Variants in CYP4F11 observed in about 807,000 individuals in gnomAD.
The protein encoded by CYP4F11 is cytochrome P450 family 4 subfamily F member 11.
Under a neutral mutation model 62.2 loss-of-function variants are expected in CYP4F11, and 79 were observed. That is an observed-to-expected ratio of 1.27 (90% CI 1.06 to 1.53). CYP4F11 has a LOEUF of 1.53. Among genes scored for constraint, CYP4F11 ranks in the 40% most tolerant of loss-of-function variants. The pLI, the probability that CYP4F11 is intolerant of heterozygous loss-of-function variation, is 0.00. For synonymous variants in CYP4F11, 290 were observed against 263.7 expected, an observed-to-expected ratio of 1.10 and a Z score of -0.97; for missense variants, 777 against 680.5, an observed-to-expected ratio of 1.14 and a Z score of -1.58.
chr19:15,929,401 G>C (rs549637739), intron 2 of CYP4F11, 56 bp downstream of exon 2: 205 of 1,610,426 alleles, frequency 1.3e-4, no homozygotes, highest in Non-Finnish European at 1.2e-4. Context: ...GAGGGGAGAG[G>C]CTAGAAGGCC....
Position 15,931,593 on chromosome 19 carries a change from T to C in CYP4F11, c.199-1992A>G, listed in dbSNP as rs948923248. On this transcript the variant is annotated intron_variant, in intron 1 of 11. Coordinates refer to ENST00000402119, the MANE Select transcript of CYP4F11 (RefSeq NM_021187.4). ...AGGAATGAGTGAGCGAGGAGAGGAA[T>C]GAGTGAGTGAGGAGAGGAATGAGTG... 1.4e-3 allele frequency among the ~76,000 whole-genome samples: 146 copies of C among 107,538 alleles called. 3 individuals carry two copies. The highest frequency in any genetic ancestry group is 2.1e-3 in the East Asian group (7 of 3,396). The allele number at this position is 107,538 out of a possible 152,430, so 70.5% of individuals were successfully genotyped here. A position where few individuals can be genotyped will look rare whatever the true frequency, so the allele number is the denominator to read the frequency against.
chr19:15,922,441 G>A lies in CYP4F11; in HGVS notation c.919-11C>T. The A allele has an allele frequency of 1.9e-6, 3 of 1,613,928 alleles. No individual in the cohort carries two copies. The highest frequency in any genetic ancestry group is 2.2e-5 in the South Asian group (2 of 91,072). On this transcript the variant is annotated splice_polypyrimidine_tract_variant and intron_variant, in intron 6 of 11. Transcript: ENST00000402119. Reference sequence around the variant, plus strand: ...CTTCCCATCTTCATCCTGGAGAGAAGGCAAGACAATATCCCTGCCCCAAAT... The same window carrying A: ...CTTCCCATCTTCATCCTGGAGAGAAAGCAAGACAATATCCCTGCCCCAAAT...
At chr19:15,916,127 A>C (rs2089581936) in intron 8 of CYP4F11, among the ~76,000 whole-genome samples, 1 of 152,164 alleles carries the variant, frequency 6.6e-6, no homozygotes, top group African/African-American at 2.4e-5. Flanking sequence ...TATTATTTGA[A>C]TACATTAATA....
chr19:15,931,682 GA>G (rs1222624374), intron 1 of CYP4F11, among the ~76,000 whole-genome samples: 11 of 66,660 alleles, frequency 1.7e-4, no homozygotes, highest in East Asian at 9.4e-4. Flanking sequence ...ATGAGTGAGC[GA>G]GGAGAGGAAT....
intron 8 of CYP4F11, among the ~76,000 whole-genome samples, chr19:15,919,287 C>T (rs915463017): frequency 8.9e-5 from 13 of 146,466 alleles, no homozygotes; most frequent in African/African-American, 3.2e-4. Context: ...TTCATTGACT[C>T]CTATTTATAT....
intron 11 of CYP4F11, 78 bp from the exon 12 acceptor site, chr19:15,913,987 G>C: frequency 6.6e-7 from 1 of 1,507,010 alleles, no homozygotes; most frequent in Non-Finnish European, 8.9e-7. Flanking sequence ...CCTGGCCTGG[G>C]ACCCCAAACG....
chr19:15,927,629 G>A, intron 2 of CYP4F11, 146 bp from the exon 3 acceptor site: 1 of 1,047,804 alleles, frequency 9.5e-7, no homozygotes, highest in Non-Finnish European at 1.4e-6. Context: ...AGGAAGAAGG[G>A]AGGATGGTGG....
rs141752303 is a variant in CYP4F11 at position 15,924,061 on chromosome 19, G to A, written c.669C>T (p.Ala223=). Residue 223 remains alanine (A), a synonymous_variant, in exon 6 of 12, where the codon GCC becomes GCT. Coordinates refer to ENST00000402119, the MANE Select transcript of CYP4F11 (RefSeq NM_021187.4). ...CAAAGGCACTGAGCTCCAAGATGGC[G>A]GCAATATATTCACTGGGCTTCCTGC... The part of the protein sequence containing the change: ...NCQEKPSEYI[A]AILELSAFVE... 351 of 1,613,810 alleles carry A rather than the reference G, an allele frequency of 2.2e-4. No homozygotes were observed. The highest frequency in any genetic ancestry group is 2.6e-4 in the Non-Finnish European group (310 of 1,179,846).
chr19:15,914,725 C>A, intron 9 of CYP4F11, 37 bp downstream of exon 9: 1 of 1,613,782 alleles, frequency 6.2e-7, no homozygotes, highest in Non-Finnish European at 8.5e-7. Flanking sequence ...ACCCCTCTTG[C>A]TACCCAGGAG....
chr19:15,922,719 G>A (rs763948625), intron 6 of CYP4F11, among the ~76,000 whole-genome samples: 3 of 152,134 alleles, frequency 2.0e-5, no homozygotes, highest in Non-Finnish European at 4.4e-5. Context: ...TGGCAACCTG[G>A]GTTACAGCAT....
intron 1 of CYP4F11, among the ~76,000 whole-genome samples, chr19:15,931,470 C>T (rs2089715293): frequency 6.6e-6 from 1 of 151,718 alleles, no homozygotes; most frequent in African/African-American, 2.4e-5. Context: ...GGAAAAAGAT[C>T]CAAGCAGGCT....
rs564030515 is a variant in CYP4F11, at chr19:15,931,594, G to A, written c.199-1993C>T. On this transcript the variant is annotated intron_variant, in intron 1 of 11. Transcript: ENST00000402119. The stretch of plus-strand genomic sequence containing the variant: ...GGAATGAGTGAGCGAGGAGAGGAAT[G>A]AGTGAGTGAGGAGAGGAATGAGTGA... Among the ~76,000 whole-genome samples the A allele has an allele frequency of 7.5e-5, 9 of 120,154 alleles. No homozygotes were observed. In the East Asian group the frequency reaches 2.2e-3, roughly 30 times the overall value. The allele number at this position is 120,154 out of a possible 152,430, so 78.8% of individuals were successfully genotyped here.
upstream of CYP4F11, chr19:15,934,862 G>T (rs976296709): frequency 5.4e-5 from 9 of 168,060 alleles, no homozygotes; most frequent in African/African-American, 1.9e-4. Flanking sequence ...GGAGGTCTTT[G>T]CCTCTGGCCC....
intron 1 of CYP4F11, among the ~76,000 whole-genome samples, chr19:15,930,824 G>A (rs766446310): frequency 7.9e-5 from 12 of 152,112 alleles, no homozygotes; most frequent in Non-Finnish European, 1.5e-4. Flanking sequence ...CCCCACCAGC[G>A]GCTGTTCCTC....
At chr19:15,921,209 C>T (rs1003305667) in intron 8 of CYP4F11, among the ~76,000 whole-genome samples, 1 of 152,144 alleles carries the variant, frequency 6.6e-6, no homozygotes, top group Non-Finnish European at 1.5e-5. Flanking sequence ...TATTAAGGAT[C>T]TCAACTGAGA....
At chr19:15,934,833 C>T (rs754410910), upstream of CYP4F11, 6 of 179,908 alleles carry the variant, frequency 3.3e-5, no homozygotes, top group Admixed American at 6.2e-5. Context: ...CCCACATACC[C>T]TCCTCTCCCC....
At chr19:15,916,884 C>T (rs1001915481) in intron 8 of CYP4F11, among the ~76,000 whole-genome samples, 15 of 152,076 alleles carry the variant, frequency 9.9e-5, no homozygotes, top group African/African-American at 2.9e-4. Context: ...GAGAACTAAA[C>T]GTAGATCTAC....
intron 6 of CYP4F11, 107 bp from the exon 7 acceptor site, chr19:15,922,537 C>T: frequency 8.2e-7 from 1 of 1,216,760 alleles, no homozygotes; most frequent in South Asian, 1.3e-5. Flanking sequence ...TTCCAGAAAC[C>T]CAAGCCCATC....
chr19:15,917,621 G>A (rs531808324), intron 8 of CYP4F11, among the ~76,000 whole-genome samples: 40 of 152,072 alleles, frequency 2.6e-4, no homozygotes, highest in Middle Eastern at 3.4e-3. Flanking sequence ...AAGAAAATGT[G>A]GACAAAATTG....
Sources: gnomAD v4.1 joint callset for allele counts (sites outside exome capture counted in the v4.1 genomes callset) on GRCh38, gnomAD v4.1.1 for gene constraint, MANE v1.5 for transcripts, NCBI Gene and HGNC (gene_info 2026-07-23, HGNC 2026-07-21) for gene names.